NOX3: variants seen among roughly 807,000 people sequenced by gnomAD.
NOX3 encodes NADPH oxidase catalytic subunit-like 3.
NOX3 carries 74 observed loss-of-function variants against 76.7 expected under a neutral mutation model. The ratio of observed to expected loss-of-function variants is 0.96; its 90% CI spans 0.80 to 1.17. The LOEUF is 1.17. Ranked by LOEUF, NOX3 falls within the 50% of genes most tolerant of loss-of-function variation. The pLI is 0.00. For synonymous variants in NOX3, 263 were observed against 261.1 expected, an observed-to-expected ratio of 1.01 and a Z score of -0.07; for missense variants, 695 against 703.3, an observed-to-expected ratio of 0.99 and a Z score of 0.13.
At chr6:155,450,536 C>T (rs1777120331) in intron 4 of NOX3, among the ~76,000 whole-genome samples, 1 of 152,178 alleles carries the variant, frequency 6.6e-6, no homozygotes, top group Non-Finnish European at 1.5e-5. Flanking sequence ...AGGCGTAAGG[C>T]ACAGGCTCAG....
intron 4 of NOX3, among the ~76,000 whole-genome samples, chr6:155,445,080 T>C (rs1206459828): frequency 6.6e-6 from 1 of 152,210 alleles, no homozygotes; most frequent in Non-Finnish European, 1.5e-5. Flanking sequence ...TGTCTGATGC[T>C]GCTCTTTCCA....
At chr6:155,434,214 C>T (rs1231602395) in intron 7 of NOX3, among the ~76,000 whole-genome samples, 1 of 152,222 alleles carries the variant, frequency 6.6e-6, no homozygotes, top group African/African-American at 2.4e-5. Flanking sequence ...GCTGAATTGA[C>T]TCTACCTCCA....
chr6:155,448,152 G>T lies in NOX3; in HGVS notation c.341-4734C>A, dbSNP rs1372237215. Among the ~76,000 whole-genome samples the T allele has an allele frequency of 2.6e-5, 4 of 151,984 alleles. No individual in the cohort carries two copies. In the East Asian group the frequency reaches 7.7e-4, roughly 29 times the overall value. ...CTTTTAGGCCCTTTTTTTCCCATCT[G>T]TGAAATGGGTAGATTGTACTAAACA... On this transcript the variant is annotated intron_variant, in intron 4 of 13. Coordinates refer to ENST00000159060, the MANE Select transcript of NOX3 (RefSeq NM_015718.3).
intron 8 of NOX3, 133 bp from the exon 9 acceptor site, chr6:155,429,180 G>A (rs995105100): frequency 1.2e-6 from 1 of 831,886 alleles, no homozygotes; most frequent in Non-Finnish European, 1.8e-6. Flanking sequence ...TCTGCTGTTA[G>A]CTCCCAAAGA....
At chr6:155,432,074 T>C (rs1776841931) in intron 7 of NOX3, among the ~76,000 whole-genome samples, 1 of 152,160 alleles carries the variant, frequency 6.6e-6, no homozygotes, top group South Asian at 2.1e-4. Flanking sequence ...ATTTTTATTG[T>C]TTTCAATAGA....
At chr6:155,452,910 C>G (rs529691481) in intron 4 of NOX3, among the ~76,000 whole-genome samples, 1 of 152,174 alleles carries the variant, frequency 6.6e-6, no homozygotes, top group African/African-American at 2.4e-5. Flanking sequence ...CTTTATATGC[C>G]GATAAAGCTT....
intron 10 of NOX3, among the ~76,000 whole-genome samples, chr6:155,415,377 A>G (rs937868157): frequency 1.3e-5 from 2 of 152,274 alleles, no homozygotes; most frequent in African/African-American, 4.8e-5. Context: ...CTTGTGCCGT[A>G]TCTTGAATAG....
chr6:155,453,301 C>A, intron 4 of NOX3, 103 bp downstream of exon 4: 2 of 899,688 alleles, frequency 2.2e-6, no homozygotes, highest in Non-Finnish European at 3.7e-6. Flanking sequence ...GCAAAGTTTT[C>A]TTTTACCTGA....
rs534711414 is a variant in NOX3 at position 155,416,744 on chromosome 6, C to CTTTTTTTTTTTTTTTTTTTT, written c.1309-5404_1309-5385dup. Among the ~76,000 whole-genome samples the CTTTTTTTTTTTTTTTTTTTT allele has an allele frequency of 2.1e-4, 19 of 92,532 alleles. 1 individual carries two copies. Among genetic ancestry groups the CTTTTTTTTTTTTTTTTTTTT allele is most frequent in the African/African-American group, 7.5e-4 (18 of 24,096 alleles). The allele number at this position is 92,532 out of a possible 152,430, so 60.7% of individuals were successfully genotyped here. ...GGACAACTGAAACATCTGAAACATT[C>CTTTTTTTTTTTTTTTTTTTT]TTTTTTTTTTTTTTTTTTTTTTTTG... is the stretch of plus-strand genomic sequence containing the variant. On this transcript the variant is annotated intron_variant, in intron 10 of 13. Coordinates refer to ENST00000159060, the MANE Select transcript of NOX3 (RefSeq NM_015718.3).
chr6:155,405,122 C>G (rs1776428429), intron 12 of NOX3, among the ~76,000 whole-genome samples: 1 of 152,138 alleles, frequency 6.6e-6, no homozygotes, highest in African/African-American at 2.4e-5. Flanking sequence ...TTTAATGAAG[C>G]ATGCTGTCTC....
chr6:155,402,666 T>A (rs1779246854), intron 12 of NOX3, among the ~76,000 whole-genome samples: 1 of 152,248 alleles, frequency 6.6e-6, no homozygotes, highest in African/African-American at 2.4e-5. Context: ...TGGTCCTGTT[T>A]TTCATGTTCT....
In NOX3 at chr6:155,454,828, T is replaced by A; in HGVS notation, c.238A>T (p.Ile80Leu). Residue 80 changes from isoleucine to leucine, a missense_variant, in exon 3 of 14, where the codon ATA becomes TTA. Transcript: ENST00000159060. ...GTACTTACAATACTTGTTCCTCTTA[T>A]GAATGAAATAAGGTTTCGACTGACA... ...IPVSRNLISF[I>L]RGTSICCRGP... The A allele has an allele frequency of 6.3e-7, 1 of 1,586,016 alleles. No individual in the cohort carries two copies. The highest frequency in any genetic ancestry group is 1.1e-5 in the South Asian group (1 of 87,170).
At chr6:155,399,915 A>G (rs1300766477) in intron 12 of NOX3, among the ~76,000 whole-genome samples, 3 of 152,218 alleles carry the variant, frequency 2.0e-5, no homozygotes, top group African/African-American at 7.2e-5. Flanking sequence ...CAAGCCACAG[A>G]GCTTGCACAC....
At chr6:155,411,775 G>C (rs2114681385) in intron 10 of NOX3, among the ~76,000 whole-genome samples, 2 of 152,312 alleles carry the variant, frequency 1.3e-5, no homozygotes, top group Middle Eastern at 6.8e-3. Context: ...TTCTTCTCCA[G>C]AGACCCCAAA....
chr6:155,414,276 A>G (rs1040455951), intron 10 of NOX3, among the ~76,000 whole-genome samples: 2 of 152,208 alleles, frequency 1.3e-5, no homozygotes, highest in South Asian at 2.1e-4. Context: ...GGGAAGGGAC[A>G]TAAGAGTTCC....
intron 4 of NOX3, among the ~76,000 whole-genome samples, chr6:155,445,835 C>T (rs1237882354): frequency 6.8e-6 from 1 of 147,460 alleles, no homozygotes; most frequent in Admixed American, 6.8e-5. Flanking sequence ...TAAATACAAC[C>T]TTGTTGGAGT....
At chr6:155,408,222 A>G (rs1776490243) in intron 11 of NOX3, among the ~76,000 whole-genome samples, 1 of 152,084 alleles carries the variant, frequency 6.6e-6, no homozygotes, top group South Asian at 2.1e-4. Flanking sequence ...TCCTGACCTC[A>G]TGATCCACCC....
chr6:155,425,873 G>C (rs1289946709), intron 9 of NOX3, among the ~76,000 whole-genome samples: 2 of 152,166 alleles, frequency 1.3e-5, no homozygotes, highest in Non-Finnish European at 2.9e-5. Context: ...CTAGTCTTTT[G>C]AAAGAGCTCA....
At chr6:155,424,838 A>G (rs559965286) in intron 9 of NOX3, among the ~76,000 whole-genome samples, 1 of 152,214 alleles carries the variant, frequency 6.6e-6, no homozygotes, top group Non-Finnish European at 1.5e-5. Context: ...GTTCATTTTT[A>G]AAAAATAATC....
Sources: allele counts gnomAD v4.1 joint callset (sites outside exome capture counted in the v4.1 genomes callset), GRCh38; gene constraint gnomAD v4.1.1; transcripts MANE v1.5; gene names NCBI Gene and HGNC (gene_info 2026-07-23, HGNC 2026-07-21).